The following HDAC8 variants were observed in gnomAD, a reference collection of about 807,000 sequenced individuals.
The protein encoded by HDAC8 is histone deacetylase 8, also known as histone deacetylase-like 1.
A neutral mutation model predicts 32.2 loss-of-function variants in HDAC8; 1 was observed. The ratio of observed to expected loss-of-function variants is 0.03; its 90% confidence interval spans 0.01 to 0.15. The LOEUF is 0.15. Ranked by LOEUF, HDAC8 falls within the 10% of genes least tolerant of loss-of-function variation. The pLI is 1.00. For missense variants in HDAC8, 117 were observed against 300.0 expected (o/e 0.39, Z 4.51); for synonymous variants, 108 against 113.9 (o/e 0.95, Z 0.33).
chrX:72,375,049 C>T (rs1555957617), intron 9 of HDAC8, among the ~76,000 whole-genome samples: 3 of 111,475 alleles, frequency 2.7e-5, no homozygotes, highest in Non-Finnish European at 5.7e-5. Context: ...CAATTGAACT[C>T]CTGGGCTCAA....
chrX:72,525,741 G>A (rs2050126485), intron 4 of HDAC8, among the ~76,000 whole-genome samples: 1 of 101,138 alleles, frequency 9.9e-6, no homozygotes, highest in African/African-American at 3.6e-5. Context: ...GTGAACCCGG[G>A]AGGCGGAGCT....
At chrX:72,441,835 T>C (rs1226907620) in intron 9 of HDAC8, among the ~76,000 whole-genome samples, 2 of 111,181 alleles carry the variant, frequency 1.8e-5, no homozygotes, top group Non-Finnish European at 3.8e-5. Context: ...CAGAGAAGTG[T>C]TTAAAGGAGC....
At chrX:72,376,101 G>A (rs1421875278) in intron 9 of HDAC8, among the ~76,000 whole-genome samples, 2 of 109,852 alleles carry the variant, frequency 1.8e-5, no homozygotes, top group East Asian at 5.7e-4. Context: ...TTGAGACGAG[G>A]TCTCACCATG....
chrX:72,513,257 CTG>C (rs1227212509), intron 4 of HDAC8, among the ~76,000 whole-genome samples: 3 of 112,114 alleles, frequency 2.7e-5, no homozygotes, highest in Non-Finnish European at 5.6e-5. Context: ...AGAGCAAAGA[CTG>C]TATATTATTC....
intron 4 of HDAC8, among the ~76,000 whole-genome samples, chrX:72,541,231 G>A (rs1001582097): frequency 1.8e-5 from 2 of 109,362 alleles, no homozygotes; most frequent in African/African-American, 6.7e-5. Flanking sequence ...TGTTATTTGA[G>A]CAAAGACTTG....
chrX:72,559,299 T>C (rs1198195357), intron 4 of HDAC8, among the ~76,000 whole-genome samples: 2 of 108,877 alleles, frequency 1.8e-5, no homozygotes, highest in African/African-American at 6.7e-5. Context: ...CTCCAGCTCC[T>C]AACCGCGAGT....
chrX:72,449,541 G>A (rs1203738070), intron 9 of HDAC8, among the ~76,000 whole-genome samples: 2 of 110,153 alleles, frequency 1.8e-5, no homozygotes, highest in Non-Finnish European at 3.8e-5. Flanking sequence ...CAACCTGCAC[G>A]TTCTGCATGT....
At chrX:72,431,985 T>C (rs1297187926) in intron 9 of HDAC8, among the ~76,000 whole-genome samples, 1 of 111,271 alleles carries the variant, frequency 9.0e-6, no homozygotes, top group Non-Finnish European at 1.9e-5. Context: ...CACACACAGA[T>C]TGGGTCTGAG....
chrX:72,387,590 C>A (rs1041952359), intron 9 of HDAC8, among the ~76,000 whole-genome samples: 5 of 111,563 alleles, frequency 4.5e-5, no homozygotes, highest in Admixed American at 9.5e-5. Context: ...CCTAGCCCTG[C>A]CACTTACTAA....
At chrX:72,558,795 A>T (rs1357080725) in intron 4 of HDAC8, among the ~76,000 whole-genome samples, 2 of 110,717 alleles carry the variant, frequency 1.8e-5, no homozygotes, top group Non-Finnish European at 3.8e-5. Flanking sequence ...AGAGGAAGTC[A>T]AACTGTTGCT....
intron 7 of HDAC8, among the ~76,000 whole-genome samples, chrX:72,480,780 A>G (rs1556002669): frequency 9.0e-6 from 1 of 111,516 alleles, no homozygotes; most frequent in African/African-American, 3.3e-5. Context: ...GGAAGCCATC[A>G]TTCTCAGAAA....
At chrX:72,363,460 C>T (rs1486010550) in intron 9 of HDAC8, among the ~76,000 whole-genome samples, 1 of 110,974 alleles carries the variant, frequency 9.0e-6, no homozygotes, top group East Asian at 2.8e-4. Flanking sequence ...AAACAACTGC[C>T]CTCTCTCTAT....
At chrX:72,546,485 C>G (rs1018062803) in intron 4 of HDAC8, among the ~76,000 whole-genome samples, 2 of 110,831 alleles carry the variant, frequency 1.8e-5, no homozygotes, top group Non-Finnish European at 3.8e-5. Flanking sequence ...CAGAATAAGA[C>G]ACTAGAAAAG....
At chrX:72,555,142 G>A (rs1205395220) in intron 4 of HDAC8, among the ~76,000 whole-genome samples, 1 of 112,070 alleles carries the variant, frequency 8.9e-6, no homozygotes, top group Non-Finnish European at 1.9e-5. Context: ...AGACTCAGAA[G>A]AGCAAAAACA....
chrX:72,448,636 A>C (rs1423695008), intron 9 of HDAC8, among the ~76,000 whole-genome samples: 1 of 112,499 alleles, frequency 8.9e-6, no homozygotes, highest in Non-Finnish European at 1.9e-5. Context: ...CTATCATCAG[A>C]GTGAACAGAC....
intron 4 of HDAC8, among the ~76,000 whole-genome samples, chrX:72,532,080 GTTTTA>G (rs1466580903): frequency 1.8e-5 from 2 of 110,209 alleles, no homozygotes; most frequent in Admixed American, 9.7e-5. Context: ...TATGTTTTTT[GTTTTA>G]TTTTATTTTA....
chrX:72,332,248 T>C (rs1192199902), intron 10 of HDAC8, among the ~76,000 whole-genome samples: 2 of 112,793 alleles, frequency 1.8e-5, no homozygotes, highest in African/African-American at 6.4e-5. Context: ...AACATTCACA[T>C]ACAGGTTTTT....
At chrX:72,405,810 C>G (rs1333859980) in intron 9 of HDAC8, among the ~76,000 whole-genome samples, 3 of 111,719 alleles carry the variant, frequency 2.7e-5, no homozygotes, top group Non-Finnish European at 5.6e-5. Flanking sequence ...TTCCAGTTTA[C>G]TAATTTATTT....
chrX:72,414,898 A>G (rs2046293897), intron 9 of HDAC8, among the ~76,000 whole-genome samples: 1 of 112,049 alleles, frequency 8.9e-6, no homozygotes, highest in Non-Finnish European at 1.9e-5. Context: ...ATGTTTATCA[A>G]GTAACTTTCT....
Sources: gnomAD v4.1 joint callset for allele counts (sites outside exome capture counted in the v4.1 genomes callset) on GRCh38, gnomAD v4.1.1 for gene constraint, MANE v1.5 for transcripts, NCBI Gene and HGNC (gene_info 2026-07-23, HGNC 2026-07-21) for gene names.